Variants in ST18 observed in about 807,000 individuals in gnomAD.
ST18 encodes ST18 C2H2C-type zinc finger transcription factor.
In ST18, 50 loss-of-function variants were observed where a neutral mutation model predicts 110.0. The ratio of observed to expected loss-of-function variants is 0.45; its 90% CI spans 0.36 to 0.58. The LOEUF (loss-of-function observed/expected upper bound fraction) is 0.58. Ranked by LOEUF, ST18 falls within the 20% of genes least tolerant of loss-of-function variation. ST18 has a pLI of 0.00. For missense variants in ST18, 1,306 were observed against 1,280.1 expected (o/e 1.02, Z -0.31); for synonymous variants, 461 against 452.4 (o/e 1.02, Z -0.24).
chr8:52,212,962 T>C (rs2082751545), intron 7 of ST18, among the ~76,000 whole-genome samples: 1 of 152,196 alleles, frequency 6.6e-6, no homozygotes, highest in Admixed American at 6.5e-5. Flanking sequence ...CATGCTGATA[T>C]TTATGGCAGG....
In ST18 at chr8:52,234,728, G is replaced by GGTGTGTGTGTGTGT. The variant is rs3054614; in HGVS notation, c.-464-4665_-464-4652dup. ...ATCAACAAGTGGATAAAGAAACTAT[G>GGTGTGTGTGTGTGT]GTGTGTGTGTGTGTGTGTGTGTGTG... On this transcript the variant is annotated intron_variant, in intron 2 of 25. Coordinates refer to ENST00000689386, the MANE Select transcript of ST18 (RefSeq NM_001352837.2). Among the ~76,000 whole-genome samples the GGTGTGTGTGTGTGT allele has an allele frequency of 2.7e-3, 388 of 145,700 alleles. 6 individuals are homozygous for GGTGTGTGTGTGTGT. The highest frequency in any genetic ancestry group is 8.4e-3 in the African/African-American group (330 of 39,336).
intron 23 of ST18, among the ~76,000 whole-genome samples, chr8:52,121,703 T>A (rs1189458506): frequency 6.6e-6 from 1 of 152,200 alleles, no homozygotes; most frequent in African/African-American, 2.4e-5. Flanking sequence ...GAAAATACTA[T>A]CTTTATTCAT....
chr8:52,132,061 C>T lies in ST18; in HGVS notation c.2563G>A (p.Ala855Thr). 6.2e-7 allele frequency: 1 copy of T among 1,614,208 alleles called. No homozygotes were observed. The highest frequency in any genetic ancestry group is 8.5e-7 in the Non-Finnish European group (1 of 1,180,026). Reference protein sequence around the residue: ...KRQKENPLNGASLSWKLNKQE... With the variant: ...KRQKENPLNGTSLSWKLNKQE... Reference sequence around the variant, plus strand: ...TTGTTCAGTTTCCAGGAGAGGGAGGCTCCATTGAGAGGATTCTCCTTCTGT... The same window carrying T: ...TTGTTCAGTTTCCAGGAGAGGGAGGTTCCATTGAGAGGATTCTCCTTCTGT... The change falls in exon 22 of 26, where the codon GCC becomes ACC. Residue 855 changes from alanine to threonine, a missense_variant. By Grantham distance (58) the Ala-to-Thr change is moderately conservative. Coordinates refer to ENST00000689386, the MANE Select transcript of ST18 (RefSeq NM_001352837.2).
chr8:52,367,236 T>TCACA (rs748933981), intron 2 of ST18, among the ~76,000 whole-genome samples: 1,791 of 120,262 alleles, frequency 0.015, 43 homozygotes, highest in African/African-American at 0.047. Flanking sequence ...GGACCCTGTC[T>TCACA]CACACACACA....
chr8:52,161,424 G>T lies in ST18; in HGVS notation c.1545C>A (p.Arg515=). ...GTCCTTGCACTGTTTGTATGAGAGGGCGTTTACCGAAAACTTGGGCATCAA... is the reference window on the plus strand; with the variant it reads ...GTCCTTGCACTGTTTGTATGAGAGGTCGTTTACCGAAAACTTGGGCATCAA... The part of the protein sequence containing the change: ...ASFDAQVFGK[R]PLIQTVQGRK... The change falls in exon 14 of 26, where the codon CGC becomes CGA. Residue 515 remains arginine, a synonymous_variant. Coordinates refer to ENST00000689386, the MANE Select transcript of ST18 (RefSeq NM_001352837.2). 1 of 1,614,186 alleles carries T rather than the reference G, an allele frequency of 6.2e-7. No homozygotes were observed. Among genetic ancestry groups the T allele is most frequent in the Non-Finnish European group, 8.5e-7 (1 of 1,180,032 alleles).
chr8:52,212,090 G>T lies in ST18; in HGVS notation c.75C>A (p.Ile25=). 6.2e-7 allele frequency: 1 copy of T among 1,605,112 alleles called. No homozygotes were observed. The highest frequency in any genetic ancestry group is 1.1e-5 in the South Asian group (1 of 88,752). The part of the protein sequence containing the change: ...KGTEVPMDSL[I]QELSVAYDCS... The stretch of plus-strand genomic sequence containing the variant: ...AGGGTAAATCTTACCTGAGCTCCTG[G>T]ATTAGTGAATCCATTGGCACTGTTG... Residue 25 remains isoleucine, a synonymous_variant, in exon 8 of 26, where the codon ATC becomes ATA. Coordinates refer to ENST00000689386, the MANE Select transcript of ST18 (RefSeq NM_001352837.2).
intron 2 of ST18, among the ~76,000 whole-genome samples, chr8:52,244,264 G>C (rs17313586): frequency 0.12 from 17,653 of 152,196 alleles, 1,388 homozygotes; most frequent in Middle Eastern, 0.21. Context: ...CCCGCACGCT[G>C]TTCTATAATC....
chr8:52,172,085 G>C lies in ST18; in HGVS notation c.776C>G (p.Pro259Arg). The change falls in exon 10 of 26, where the codon CCG becomes CGG. Residue 259 changes from proline to arginine, a missense_variant. Coordinates refer to ENST00000689386, the MANE Select transcript of ST18 (RefSeq NM_001352837.2). ...RCDSETERKD[P>R]QNALAEPLDG... ...CAGGGGTTCTGCGAGAGCATTCTGCGGGTCTTTCCTTTCTGTTTCAGAATC... is the reference window on the plus strand; with the variant it reads ...CAGGGGTTCTGCGAGAGCATTCTGCCGGTCTTTCCTTTCTGTTTCAGAATC... The C allele has an allele frequency of 6.8e-6, 11 of 1,614,182 alleles. No individual in the cohort carries two copies. The highest frequency in any genetic ancestry group is 9.3e-6 in the Non-Finnish European group (11 of 1,180,030).
rs1355547437 is a variant in ST18 at position 52,132,142 on chromosome 8, A to C, written c.2482T>G (p.Ser828Ala). The C allele has an allele frequency of 6.2e-7, 1 of 1,613,792 alleles. No individual in the cohort carries two copies. The highest frequency in any genetic ancestry group is 8.5e-7 in the Non-Finnish European group (1 of 1,179,970). The change falls in exon 22 of 26, where the codon TCA (serine) becomes GCA (alanine). Residue 828 changes from serine to alanine, a missense_variant. Ser to Ala is a moderately conservative substitution (Grantham distance 99, BLOSUM62 1). Transcript: ENST00000689386. ...GTGCGGTGTGATGTGTATTTACCTG[A>C]TATGTGACCTTGGCCATCACACCCT... ...VIGCDGQGHI[S>A]GKYTSHRTAS... is the part of the protein sequence containing the mutation.
chr8:52,340,866 C>A (rs993807927), intron 2 of ST18, among the ~76,000 whole-genome samples: 1 of 152,284 alleles, frequency 6.6e-6, no homozygotes, highest in East Asian at 1.9e-4. Flanking sequence ...CTGCAGTGAA[C>A]CTTAGCAACA....
intron 2 of ST18, among the ~76,000 whole-genome samples, chr8:52,301,163 A>C (rs1273311107): frequency 1.3e-5 from 2 of 152,184 alleles, no homozygotes; most frequent in Non-Finnish European, 2.9e-5. Context: ...CATATATGTT[A>C]ATGCTATTAC....
intron 2 of ST18, among the ~76,000 whole-genome samples, chr8:52,236,290 A>G (rs1201375468): frequency 1.3e-5 from 2 of 152,118 alleles, no homozygotes; most frequent in Non-Finnish European, 2.9e-5. Context: ...AACTTAAGTC[A>G]CTCTTTCAGT....
At chr8:52,193,867 G>A (rs896036214) in intron 8 of ST18, among the ~76,000 whole-genome samples, 9 of 152,136 alleles carry the variant, frequency 5.9e-5, no homozygotes, top group Non-Finnish European at 8.8e-5. Flanking sequence ...CATGTTTACC[G>A]AGCTACAGTG....
intron 2 of ST18, among the ~76,000 whole-genome samples, chr8:52,297,380 G>T (rs144593199): frequency 3.3e-5 from 5 of 152,180 alleles, no homozygotes; most frequent in Non-Finnish European, 7.3e-5. Flanking sequence ...CTCAATAAGC[G>T]CAGAATATAT....
intron 15 of ST18, among the ~76,000 whole-genome samples, chr8:52,156,676 A>G (rs1022162470): frequency 6.6e-6 from 1 of 152,220 alleles, no homozygotes; most frequent in African/African-American, 2.4e-5. Context: ...TTCAACATTA[A>G]GAAAATAAGG....
intron 6 of ST18, 64 bp from the exon 7 acceptor site, chr8:52,214,321 T>C: frequency 6.5e-7 from 1 of 1,547,552 alleles, no homozygotes; most frequent in South Asian, 1.1e-5. Context: ...TGAAAACATG[T>C]AATTAGAAGT....
In ST18 at chr8:52,163,980, T is replaced by C. The variant is rs1481795623; in HGVS notation, c.1400+6A>G. The C allele has an allele frequency of 6.2e-7, 1 of 1,611,122 alleles. No homozygotes were observed. Among genetic ancestry groups the C allele is most frequent in the East Asian group, 2.2e-5 (1 of 44,848 alleles). On this transcript the variant is annotated splice_donor_region_variant and intron_variant, in intron 13 of 25. Coordinates refer to ENST00000689386, the MANE Select transcript of ST18 (RefSeq NM_001352837.2). ...GAGCACTGAGAACATCGTTAGGGGTTCATACCTGTGGGCCTGGTCAGGACA... is the reference window on the plus strand; with the variant it reads ...GAGCACTGAGAACATCGTTAGGGGTCCATACCTGTGGGCCTGGTCAGGACA...
chr8:52,327,188 T>C (rs909707244), intron 2 of ST18, among the ~76,000 whole-genome samples: 14 of 152,190 alleles, frequency 9.2e-5, no homozygotes, highest in Admixed American at 6.5e-5. Context: ...CTCATAAGGA[T>C]CTCCAGAACG....
intron 17 of ST18, among the ~76,000 whole-genome samples, chr8:52,138,585 A>G (rs1216521357): frequency 6.6e-6 from 1 of 152,224 alleles, no homozygotes; most frequent in Non-Finnish European, 1.5e-5. Flanking sequence ...CCCCATCTCT[A>G]AAATAATAAT....
Sources: gnomAD v4.1 joint callset for allele counts (sites outside exome capture counted in the v4.1 genomes callset) on GRCh38, gnomAD v4.1.1 for gene constraint, MANE v1.5 for transcripts, NCBI Gene and HGNC (gene_info 2026-07-23, HGNC 2026-07-21) for gene names.